Variants in FAM240B observed in about 807,000 individuals in gnomAD.
FAM240B encodes the protein protein FAM240B.
At chr9:38,712,948 G>A (rs936598416) in intron 1 of FAM240B, among the ~76,000 whole-genome samples, 2 of 152,082 alleles carry the variant, frequency 1.3e-5, no homozygotes, top group African/African-American at 4.8e-5. Context: ...GTGTGCCCTA[G>A]AAAAATAAAG....
chr9:38,699,098 T>C (rs1821095214), intron 2 of FAM240B, among the ~76,000 whole-genome samples: 1 of 152,230 alleles, frequency 6.6e-6, no homozygotes, highest in Admixed American at 6.5e-5. Context: ...CCTAGAAATA[T>C]TGGCCTCACT....
intron 1 of FAM240B, among the ~76,000 whole-genome samples, chr9:38,707,942 A>T: frequency 6.6e-6 from 1 of 152,276 alleles, no homozygotes; most frequent in East Asian, 1.9e-4. Flanking sequence ...AGTAGTGGGC[A>T]TGAACTTTGG....
intron 1 of FAM240B, among the ~76,000 whole-genome samples, chr9:38,711,374 C>T (rs1821253545): frequency 6.6e-6 from 1 of 152,160 alleles, no homozygotes. Context: ...GGTGAAAATA[C>T]CTTTAGGTCC....
At chr9:38,700,100 A>G (rs1821108355) in intron 2 of FAM240B, among the ~76,000 whole-genome samples, 1 of 152,142 alleles carries the variant, frequency 6.6e-6, no homozygotes, top group Non-Finnish European at 1.5e-5. Flanking sequence ...GCTTTGGCAT[A>G]CTCATTTGAC....
At chr9:38,699,949 G>A (rs767085367) in intron 2 of FAM240B, among the ~76,000 whole-genome samples, 30 of 152,098 alleles carry the variant, frequency 2.0e-4, no homozygotes, top group African/African-American at 7.0e-4. Context: ...CTCCATTCTC[G>A]TAGGCAGGAA....
intron 1 of FAM240B, among the ~76,000 whole-genome samples, chr9:38,707,609 AAAAC>A (rs1187804958): frequency 3.1e-5 from 4 of 129,738 alleles, no homozygotes; most frequent in Non-Finnish European, 6.2e-5. Context: ...TCTACTAAAA[AAAAC>A]AAAAAAAAAA....
At chr9:38,714,943 C>T (rs1412892730) in intron 1 of FAM240B, among the ~76,000 whole-genome samples, 1 of 152,116 alleles carries the variant, frequency 6.6e-6, no homozygotes, top group African/African-American at 2.4e-5. Flanking sequence ...TTTTATTGTA[C>T]CAATGCTAAT....
At chr9:38,718,398 T>C (rs1276733830) in intron 1 of FAM240B, among the ~76,000 whole-genome samples, 1 of 152,240 alleles carries the variant, frequency 6.6e-6, no homozygotes, top group Non-Finnish European at 1.5e-5. Flanking sequence ...GCAGAACTTC[T>C]TCTGTAGAGG....
At chr9:38,697,712 G>C (rs895479248) in intron 2 of FAM240B, among the ~76,000 whole-genome samples, 8 of 152,160 alleles carry the variant, frequency 5.3e-5, no homozygotes, top group Non-Finnish European at 1.0e-4. Context: ...TACAATGTAT[G>C]CTCTTCAGAT....
chr9:38,708,243 C>A (rs999178121), intron 1 of FAM240B, among the ~76,000 whole-genome samples: 1 of 152,178 alleles, frequency 6.6e-6, no homozygotes, highest in Non-Finnish European at 1.5e-5. Flanking sequence ...CCTGTGCTCT[C>A]GCTGCAGGGC....
At chr9:38,704,448 A>T (rs986604128) in intron 1 of FAM240B, among the ~76,000 whole-genome samples, 2 of 151,840 alleles carry the variant, frequency 1.3e-5, no homozygotes, top group Non-Finnish European at 2.9e-5. Context: ...TATTTTTAAA[A>T]TTTTCTTTTG....
intron 1 of FAM240B, among the ~76,000 whole-genome samples, chr9:38,710,585 T>C (rs1407339984): frequency 6.6e-6 from 1 of 152,204 alleles, no homozygotes; most frequent in Non-Finnish European, 1.5e-5. Flanking sequence ...TTTTAAAGTA[T>C]AGGCAGTGGG....
chr9:38,696,099 T>C (rs1021796372), intron 2 of FAM240B, among the ~76,000 whole-genome samples: 3 of 152,198 alleles, frequency 2.0e-5, no homozygotes, highest in Non-Finnish European at 2.9e-5. Flanking sequence ...TGCTCGATTA[T>C]GGGCCCGGGA....
chr9:38,712,185 C>T (rs938092530), intron 1 of FAM240B, among the ~76,000 whole-genome samples: 2 of 152,128 alleles, frequency 1.3e-5, no homozygotes, highest in South Asian at 2.1e-4. Context: ...TTATACTGGA[C>T]GTGTCCACAA....
At chr9:38,707,896 A>G (rs886250488) in intron 1 of FAM240B, among the ~76,000 whole-genome samples, 2 of 152,014 alleles carry the variant, frequency 1.3e-5, no homozygotes, top group East Asian at 3.9e-4. Context: ...ATCAAAAAAC[A>G]CTTATAGGGT....
chr9:38,695,394 C>T (rs1029909456), intron 2 of FAM240B, among the ~76,000 whole-genome samples: 1 of 152,080 alleles, frequency 6.6e-6, no homozygotes, highest in Non-Finnish European at 1.5e-5. Context: ...GGCGTGGTGG[C>T]GGTGCCTGCA....
At chr9:38,711,547 A>T (rs943554543) in intron 1 of FAM240B, among the ~76,000 whole-genome samples, 1 of 152,096 alleles carries the variant, frequency 6.6e-6, no homozygotes, top group Non-Finnish European at 1.5e-5. Flanking sequence ...GCTGGAGTGC[A>T]ATGTGGGAGT....
intron 2 of FAM240B, among the ~76,000 whole-genome samples, chr9:38,701,560 G>A (rs1486917083): frequency 1.3e-5 from 2 of 152,114 alleles, no homozygotes; most frequent in Non-Finnish European, 1.5e-5. Context: ...TCTGGTGGGT[G>A]GCCTCGAGGC....
Position 38,694,630 on chromosome 9 carries a change from G to C in FAM240B, c.*146C>G. 2.5e-6 allele frequency: 1 copy of C among 394,958 alleles called. No homozygotes were observed. Among genetic ancestry groups the C allele is most frequent in the Non-Finnish European group, 4.5e-6 (1 of 224,292 alleles). The allele number at this position is 394,958 out of a possible 1,614,324, so 24.5% of individuals were successfully genotyped here. ...GATAATAACTCCCATTAGCACTGGGGGAGGTTTCACATGTAAATCCCCTAG... is the reference window on the plus strand; with the variant it reads ...GATAATAACTCCCATTAGCACTGGGCGAGGTTTCACATGTAAATCCCCTAG... On this transcript the variant is annotated 3_prime_UTR_variant, in exon 3 of 3. Transcript: ENST00000637493.
Sources: allele counts gnomAD v4.1 joint callset (sites outside exome capture counted in the v4.1 genomes callset), GRCh38; gene constraint gnomAD v4.1.1; transcripts MANE v1.5; gene names NCBI Gene and HGNC (gene_info 2026-07-23, HGNC 2026-07-21).